DLGAP5: variants seen among roughly 807,000 people sequenced by gnomAD.
The protein encoded by DLGAP5 is disks large-associated protein 5.
A neutral mutation model predicts 99.6 loss-of-function variants in DLGAP5; 90 were observed. That is an observed-to-expected ratio of 0.90 (90% CI 0.76 to 1.08). The LOEUF is 1.08. Among genes scored for constraint, DLGAP5 ranks in the 50% least tolerant of loss-of-function variants. The pLI, the probability that DLGAP5 is intolerant of heterozygous loss-of-function variation, is 0.00. For missense variants in DLGAP5, 1,036 were observed against 983.5 expected (o/e 1.05, Z -0.71); for synonymous variants, 311 against 321.3 (o/e 0.97, Z 0.34).
At chr14:55,152,512 G>T in intron 16 of DLGAP5, 78 bp downstream of exon 16, 1 of 1,096,298 alleles carries the variant, frequency 9.1e-7, no homozygotes, top group Non-Finnish European at 1.3e-6. Flanking sequence ...TTCTGGGGAT[G>T]CTTTACAAAG....
chr14:55,172,738 CT>C (rs1284910520), intron 10 of DLGAP5, among the ~76,000 whole-genome samples: 1 of 152,038 alleles, frequency 6.6e-6, no homozygotes, highest in Non-Finnish European at 1.5e-5. Flanking sequence ...AATACCAGCA[CT>C]TTGGGAGGCT....
Position 55,177,228 on chromosome 14 carries a change from C to A in DLGAP5, c.883G>T (p.Glu295Ter). ...CCTTTTATTTTTGCAGTATTTATCT[C>A]AGGTAAGTTTTCCATTTTTGATAAG... ...GVLSKMENLP[E>*]INTAKIKGKN... Residue 295 changes from glutamate (E) to a stop codon, truncating the protein, a stop_gained, in exon 8 of 19, where the codon GAG becomes TAG. Transcript: ENST00000247191. LOFTEE classifies it high-confidence loss of function. 3 of 1,613,444 alleles carry A rather than the reference C, an allele frequency of 1.9e-6. No individual in the cohort carries two copies. Among genetic ancestry groups the A allele is most frequent in the Non-Finnish European group, 2.5e-6 (3 of 1,179,788 alleles).
chr14:55,168,958 C>T (rs972886872), intron 12 of DLGAP5, among the ~76,000 whole-genome samples: 3 of 151,906 alleles, frequency 2.0e-5, no homozygotes, highest in East Asian at 1.9e-4. Flanking sequence ...GGGTGGATCA[C>T]GAGGTCAGAA....
Position 55,159,053 on chromosome 14 carries a change from C to A in DLGAP5, c.1654-312G>T, listed in dbSNP as rs375269221. Among the ~76,000 whole-genome samples, 9 of 144,502 alleles carry A rather than the reference C, an allele frequency of 6.2e-5. 1 individual carries two copies. Among genetic ancestry groups the A allele is most frequent in the Admixed American group, 5.5e-4 (8 of 14,530 alleles). 94.8% of individuals were successfully genotyped at this position (144,502 alleles called of 152,430 possible). A position where few individuals can be genotyped will look rare whatever the true frequency, so the allele number is the denominator to read the frequency against. ...GATTATAACCATGACACCCCCCCCC[C>A]ATAAAAAAGAAAAAGCAAAAAAAGT... On this transcript the variant is annotated intron_variant, in intron 13 of 18. Coordinates refer to ENST00000247191, the MANE Select transcript of DLGAP5 (RefSeq NM_014750.5).
chr14:55,162,342 G>A (rs1041650239), intron 13 of DLGAP5, among the ~76,000 whole-genome samples: 5 of 152,084 alleles, frequency 3.3e-5, no homozygotes, highest in Non-Finnish European at 5.9e-5. Flanking sequence ...CCTTTAGGCC[G>A]GGCACGGTGG....
At chr14:55,186,515 A>C (rs1451312843) in intron 2 of DLGAP5, among the ~76,000 whole-genome samples, 1 of 151,490 alleles carries the variant, frequency 6.6e-6, no homozygotes, top group African/African-American at 2.4e-5. Flanking sequence ...CCTCCTCCCC[A>C]CTCTTCTTTT....
Position 55,182,424 on chromosome 14 carries a change from T to C in DLGAP5, c.441A>G (p.Pro147=), listed in dbSNP as rs1002003907. Residue 147 remains proline (P), a synonymous_variant, in exon 4 of 19, where the codon CCA becomes CCG. Coordinates refer to ENST00000247191, the MANE Select transcript of DLGAP5 (RefSeq NM_014750.5). Reference sequence around the variant, plus strand: ...TTGACCTTGTAATCCGTACAGAAGATGGAATAGCCTTAGAACAGTCAAAAG... The same window carrying C: ...TTGACCTTGTAATCCGTACAGAAGACGGAATAGCCTTAGAACAGTCAAAAG... The part of the protein sequence containing the change: ...AVKAEPKKAI[P]SSVRITRSKA... The C allele has an allele frequency of 3.1e-6, 5 of 1,612,394 alleles. No homozygotes were observed. The South Asian group carries it at 3.3e-5, about 11-fold the overall frequency.
intron 10 of DLGAP5, among the ~76,000 whole-genome samples, chr14:55,172,498 C>T (rs898272835): frequency 4.6e-5 from 7 of 151,820 alleles, no homozygotes; most frequent in South Asian, 2.1e-4. Flanking sequence ...AAAATTCTTA[C>T]GCTAGAAACA....
At chr14:55,189,860 A>G (rs1470753435) in intron 1 of DLGAP5, among the ~76,000 whole-genome samples, 1 of 152,136 alleles carries the variant, frequency 6.6e-6, no homozygotes, top group Non-Finnish European at 1.5e-5. Context: ...ACTGGTGATC[A>G]AGTCAACCTT....
At chr14:55,157,627 T>C (rs773914431) in intron 14 of DLGAP5, among the ~76,000 whole-genome samples, 2 of 152,184 alleles carry the variant, frequency 1.3e-5, no homozygotes, top group Non-Finnish European at 2.9e-5. Context: ...CACAAAAAAA[T>C]GATTTCCTGA....
At chr14:55,155,987 A>G (rs1395900395) in intron 14 of DLGAP5, among the ~76,000 whole-genome samples, 1 of 151,914 alleles carries the variant, frequency 6.6e-6, no homozygotes, top group African/African-American at 2.4e-5. Context: ...GCTACTTGGG[A>G]GGCTGAGGTA....
intron 16 of DLGAP5, 47 bp from the exon 17 acceptor site, chr14:55,151,988 G>A: frequency 3.8e-6 from 6 of 1,560,580 alleles, no homozygotes; most frequent in South Asian, 3.6e-5. Flanking sequence ...TTAATTACTT[G>A]GAACAAATTT....
At position 55,168,361 on chromosome 14, in the gene DLGAP5, A is replaced by C. The variant is rs559398368; in HGVS notation, c.1548+1038T>G. ...TCTGAATGTTCTTTTTCTAACAGGTATTTTTACTTGACAGATGAAACGTCT... is the reference window on the plus strand; with the variant it reads ...TCTGAATGTTCTTTTTCTAACAGGTCTTTTTACTTGACAGATGAAACGTCT... On this transcript the variant is annotated intron_variant, in intron 12 of 18. Transcript: ENST00000247191. Among the ~76,000 whole-genome samples the C allele has an allele frequency of 7.5e-4, 114 of 152,266 alleles. 2 individuals are homozygous for C. The South Asian group carries it at 0.013, about 17-fold the overall frequency.
At chr14:55,153,621 T>A (rs1882099359) in intron 15 of DLGAP5, among the ~76,000 whole-genome samples, 2 of 152,194 alleles carry the variant, frequency 1.3e-5, no homozygotes, top group Non-Finnish European at 2.9e-5. Context: ...AGTGTCCAGC[T>A]TTACTTTGCC....
intron 13 of DLGAP5, among the ~76,000 whole-genome samples, chr14:55,161,874 C>CAAAAAA (rs34002442): frequency 2.6e-5 from 1 of 37,958 alleles, no homozygotes; most frequent in Non-Finnish European, 4.5e-5. Flanking sequence ...AACTCTGTCT[C>CAAAAAA]AAAAAAAAAA....
In DLGAP5 at chr14:55,170,805, A is replaced by G; in HGVS notation, c.1302-18T>C. ...GGATATTTCTAAAATTATGACATAC[A>G]TTTCAGTTCTACAAGTGGTTTTTAC... On this transcript the variant is annotated intron_variant, in intron 10 of 18. Coordinates refer to ENST00000247191, the MANE Select transcript of DLGAP5 (RefSeq NM_014750.5). 4 of 1,599,402 alleles carry G rather than the reference A, an allele frequency of 2.5e-6. No homozygotes were observed. Among genetic ancestry groups the G allele is most frequent in the Non-Finnish European group, 3.4e-6 (4 of 1,166,800 alleles).
At chr14:55,181,528 CAA>C (rs1203944215) in intron 4 of DLGAP5, among the ~76,000 whole-genome samples, 1 of 152,160 alleles carries the variant, frequency 6.6e-6, no homozygotes, top group East Asian at 1.9e-4. Context: ...GCTAATAACC[CAA>C]GCTATTAAAA....
chr14:55,169,530 G>C lies in DLGAP5; in HGVS notation c.1417C>G (p.Gln473Glu), dbSNP rs888619253. ...AKDLIRTAVG[Q>E]TRLLMKERFK... ...CTTTCCTTCATAAGGAGTCTTGTTT[G>C]ACCAACTGCTGTGCGAATAAGATCT... Residue 473 changes from glutamine (Q) to glutamate (E), a missense_variant, in exon 12 of 19, where the codon CAA becomes GAA. By Grantham distance (29) the Gln-to-Glu change is conservative. Transcript: ENST00000247191. 3.1e-6 allele frequency: 5 copies of C among 1,597,264 alleles called. No individual in the cohort carries two copies. The highest frequency in any genetic ancestry group is 4.3e-6 in the Non-Finnish European group (5 of 1,175,938).
chr14:55,156,592 G>A (rs1398310002), intron 14 of DLGAP5, among the ~76,000 whole-genome samples: 1 of 152,094 alleles, frequency 6.6e-6, no homozygotes, highest in African/African-American at 2.4e-5. Context: ...CGAAAGTAAA[G>A]GTCCTACCCA....
Sources: allele counts gnomAD v4.1 joint callset (sites outside exome capture counted in the v4.1 genomes callset), GRCh38; gene constraint gnomAD v4.1.1; transcripts MANE v1.5; gene names NCBI Gene and HGNC (gene_info 2026-07-23, HGNC 2026-07-21).